ANKMY1: variants seen among roughly 807,000 people sequenced by gnomAD.
ANKMY1 encodes ankyrin repeat and MYND domain containing 1, also known as ankyrin repeat and MYND domain-containing protein 1.
ANKMY1 carries 98 observed loss-of-function variants against 102.0 expected under a neutral mutation model. The observed-to-expected ratio is 0.96, with a 90% CI of 0.82 to 1.14. ANKMY1 has a LOEUF of 1.14. ANKMY1 is among the 50% of genes most tolerant of loss of function. ANKMY1 has a pLI of 0.00. For synonymous variants in ANKMY1, 582 were observed against 559.9 expected (o/e 1.04, Z -0.56); for missense variants, 1,330 against 1,347.6 (o/e 0.99, Z 0.20).
At chr2:240,476,560 G>T (rs2074869570), downstream of ANKMY1, among the ~76,000 whole-genome samples, 1 of 152,180 alleles carries the variant, frequency 6.6e-6, no homozygotes, top group African/African-American at 2.4e-5. Context: ...GCCTGTCCTG[G>T]CAGATGTGAA....
chr2:240,496,893 G>A (rs1468808383), intron 15 of ANKMY1, among the ~76,000 whole-genome samples: 1 of 152,194 alleles, frequency 6.6e-6, no homozygotes, highest in Non-Finnish European at 1.5e-5. Context: ...GACTACAGGA[G>A]GGCTCTTCCC....
rs756574770 is a variant in ANKMY1 at position 240,523,899 on chromosome 2, C to T, written c.1818G>A (p.Ala606=). The T allele has an allele frequency of 2.0e-5, 33 of 1,612,976 alleles. No homozygotes were observed. Among genetic ancestry groups the T allele is most frequent in the East Asian group, 6.7e-5 (3 of 44,886 alleles). Residue 606 remains alanine, a synonymous_variant, in exon 8 of 18, where the codon GCG becomes GCA. Transcript: ENST00000401804. ...SFDKGTMRRM[A]LSMIERRKRW... ...CCAGGACCTACTCGATCATGGACAG[C>T]GCCATCCTCCGCATGGTCCCTTTGT...
chr2:240,559,069 G>A (rs1234195143), upstream of ANKMY1, among the ~76,000 whole-genome samples: 1 of 152,208 alleles, frequency 6.6e-6, no homozygotes, highest in African/African-American at 2.4e-5. Context: ...TTCTTAGCAA[G>A]CACATTCTGG....
rs767393150 is a variant in ANKMY1 at position 240,520,457 on chromosome 2, G to T, written c.1909C>A (p.Gln637Lys). 3.7e-5 allele frequency: 59 copies of T among 1,613,306 alleles called. No homozygotes were observed. The highest frequency in any genetic ancestry group is 5.3e-5 in the African/African-American group (4 of 74,928). Reference protein sequence around the residue: ...ADPNLCCVPMQVLFLAVKAGD... With the variant: ...ADPNLCCVPMKVLFLAVKAGD... ...GCCTTCACAGCAAGGAACAGGACCT[G>T]CATGGGCACGCAGCACAGGTTGGGG... is the stretch of plus-strand genomic sequence containing the variant. Residue 637 changes from glutamine (Q) to lysine (K), a missense_variant, in exon 9 of 18, where the codon CAG becomes AAG. Coordinates refer to ENST00000401804, the MANE Select transcript of ANKMY1 (RefSeq NM_001282771.3). The surrounding 1 kb of genome is among the most constrained non-coding windows in gnomAD (Gnocchi z 4.8).
chr2:240,526,749 A>G, intron 5 of ANKMY1: 2 of 1,307,128 alleles, frequency 1.5e-6, no homozygotes, highest in Non-Finnish European at 2.0e-6. Context: ...GGTGTTTGCT[A>G]AGAAATGGGC....
intron 4 of ANKMY1, among the ~76,000 whole-genome samples, chr2:240,550,468 C>T (rs140894720): frequency 6.6e-6 from 1 of 151,564 alleles, no homozygotes; most frequent in Non-Finnish European, 1.5e-5. Flanking sequence ...ACATATGTAA[C>T]TAACCTGCAC....
intron 15 of ANKMY1, among the ~76,000 whole-genome samples, chr2:240,484,945 A>G (rs532747039): frequency 6.6e-6 from 1 of 152,360 alleles, no homozygotes; most frequent in Non-Finnish European, 1.5e-5. Context: ...CAAACATGAA[A>G]AAAAGCTCAT....
rs1047563461 is a variant in ANKMY1, at chr2:240,506,053, C to T, written c.2526+1507G>A. On this transcript the variant is annotated intron_variant, in intron 13 of 17. Transcript: ENST00000401804. This position sits in a 1 kb window ranked among gnomAD's most constrained non-coding sequence, Gnocchi z 4.9. ...GAGGCACCGGGGAGCCTCCTAACCC[C>T]GGACAAGATGCTGGGGAGCCCCCTA... is the stretch of plus-strand genomic sequence containing the variant. Among the ~76,000 whole-genome samples the T allele has an allele frequency of 4.6e-5, 7 of 151,964 alleles. No individual in the cohort carries two copies. Among genetic ancestry groups the T allele is most frequent in the African/African-American group, 7.2e-5 (3 of 41,388 alleles).
chr2:240,488,499 C>T (rs1401716543), intron 15 of ANKMY1, among the ~76,000 whole-genome samples: 2 of 151,946 alleles, frequency 1.3e-5, no homozygotes, highest in African/African-American at 4.8e-5. Flanking sequence ...TTTCTGTTTT[C>T]GTGAAGAATG....
chr2:240,553,355 C>T (rs571650943), intron 3 of ANKMY1: 2 of 370,420 alleles, frequency 5.4e-6, no homozygotes, highest in Non-Finnish European at 1.0e-5. Context: ...CATGCCTTCT[C>T]CCTGGTGACC....
intron 15 of ANKMY1, among the ~76,000 whole-genome samples, chr2:240,489,695 G>T (rs1243504080): frequency 2.0e-5 from 3 of 152,156 alleles, no homozygotes; most frequent in Non-Finnish European, 4.4e-5. Context: ...TCTGCATCTA[G>T]ATTAATCAGG....
chr2:240,504,806 A>G (rs527788249), intron 13 of ANKMY1, among the ~76,000 whole-genome samples: 10 of 152,140 alleles, frequency 6.6e-5, no homozygotes, highest in Non-Finnish European at 1.5e-4. Flanking sequence ...CAGGAGTTCG[A>G]GACCAGCCTG....
chr2:240,469,031 G>A, the ANKMY1 span, among the ~76,000 whole-genome samples: 1 of 152,202 alleles, frequency 6.6e-6, no homozygotes, highest in Non-Finnish European at 1.5e-5. Context: ...TGGCGGGCCA[G>A]GGGATGCAGC....
intron 5 of ANKMY1, 125 bp downstream of exon 5, chr2:240,528,912 G>A (rs2084550348): frequency 2.4e-6 from 2 of 835,552 alleles, no homozygotes; most frequent in African/African-American, 1.7e-5. Context: ...CTTAATGGGA[G>A]GAGTGTGTTT....
chr2:240,561,000 G>C (rs754396712), upstream of ANKMY1: 2 of 1,539,260 alleles, frequency 1.3e-6, no homozygotes, highest in Non-Finnish European at 1.7e-6. Context: ...CTGCAAGAAC[G>C]GCCGCAGCCG....
Position 240,529,503 on chromosome 2 carries a change from A to G in ANKMY1, c.487T>C (p.Tyr163His), listed in dbSNP as rs775170853. Residue 163 changes from tyrosine to histidine, a missense_variant, in exon 5 of 18, where the codon TAC (tyrosine) becomes CAC (histidine). Transcript: ENST00000401804. The surrounding 1 kb of genome is among the most constrained non-coding windows in gnomAD (Gnocchi z 4.2). Reference protein sequence around the residue: ...YMKTRLFQGLYKADQRFGPGV... With the variant: ...YMKTRLFQGLHKADQRFGPGV... ...GGCCCAAACCGCTGGTCCGCTTTGT[A>G]TAGCCCCTGCCAAGGAAGCGCAATA... The G allele has an allele frequency of 1.1e-5, 18 of 1,610,242 alleles. No individual in the cohort carries two copies. The highest frequency in any genetic ancestry group is 1.4e-5 in the Non-Finnish European group (16 of 1,177,806).
At position 240,506,652 on chromosome 2, in the gene ANKMY1, C is replaced by T. The variant is rs1002507359; in HGVS notation, c.2526+908G>A. On this transcript the variant is annotated intron_variant, in intron 13 of 17. Coordinates refer to ENST00000401804, the MANE Select transcript of ANKMY1 (RefSeq NM_001282771.3). This position sits in a 1 kb window ranked among gnomAD's most constrained non-coding sequence, Gnocchi z 4.9. Reference sequence around the variant, plus strand: ...CCCCATTCCAGACGCCTGAGTCTCACCCCCCTCCTCCTTCCCCCTTTTTCT... The same window carrying T: ...CCCCATTCCAGACGCCTGAGTCTCATCCCCCTCCTCCTTCCCCCTTTTTCT... Among the ~76,000 whole-genome samples, 1 of 147,136 alleles carries T rather than the reference C, an allele frequency of 6.8e-6. No individual in the cohort carries two copies. The highest frequency in any genetic ancestry group is 2.6e-5 in the African/African-American group (1 of 39,094).
chr2:240,540,660 C>T lies in ANKMY1; in HGVS notation c.481-11151G>A, dbSNP rs145212053. On this transcript the variant is annotated intron_variant, in intron 4 of 17. Coordinates refer to ENST00000401804, the MANE Select transcript of ANKMY1 (RefSeq NM_001282771.3). ...ATGGAAATGGATTTGAGACTGAGCC[C>T]CAGTCTCCTCCGCTGCAGCACCTGA... Among the ~76,000 whole-genome samples the T allele has an allele frequency of 5.4e-3, 817 of 152,294 alleles. 19 individuals are homozygous for T. The highest frequency in any genetic ancestry group is 3.7e-3 in the Admixed American group (56 of 15,300).
chr2:240,535,417 G>A (rs2086483987), intron 4 of ANKMY1, among the ~76,000 whole-genome samples: 1 of 152,192 alleles, frequency 6.6e-6, no homozygotes, highest in Non-Finnish European at 1.5e-5. Flanking sequence ...CAGAGAGAGA[G>A]CAGGTTGTAA....
Sources: allele counts gnomAD v4.1 joint callset (sites outside exome capture counted in the v4.1 genomes callset), GRCh38; gene constraint gnomAD v4.1.1; non-coding constraint Gnocchi (gnomAD v3.1); transcripts MANE v1.5; gene names NCBI Gene and HGNC (gene_info 2026-07-23, HGNC 2026-07-21).